The following ATF6 variants were observed in gnomAD, a reference collection of about 807,000 sequenced individuals.
ATF6 encodes cyclic AMP-dependent transcription factor ATF-6 alpha.
In ATF6, 53 loss-of-function variants were observed where a neutral mutation model predicts 83.6. The observed-to-expected ratio is 0.63, with a 90% CI of 0.51 to 0.80. The LOEUF (loss-of-function observed/expected upper bound fraction) is 0.80. ATF6 is among the 30% of genes least tolerant of loss of function. ATF6 has a pLI of 0.00. For synonymous variants in ATF6, 288 were observed against 285.8 expected (o/e 1.01, Z -0.08); for missense variants, 744 against 797.9 (o/e 0.93, Z 0.81).
chr1:161,840,141 C>G (rs142322713), intron 9 of ATF6: 2 of 152,336 alleles, frequency 1.3e-5, no homozygotes, highest in Non-Finnish European at 2.9e-5. Context: ...TCTGTTGTCT[C>G]ATTTGAATCT....
At chr1:161,800,790 C>T (rs1438411474) in intron 6 of ATF6, among the ~76,000 whole-genome samples, 1 of 152,182 alleles carries the variant, frequency 6.6e-6, no homozygotes, top group African/African-American at 2.4e-5. Context: ...GATGAGGAGG[C>T]ATTCTGCTGG....
In ATF6 at chr1:161,962,267, GA is replaced by G. The variant is rs1689115715; in HGVS notation, c.*3617del. The G allele has an allele frequency of 6.6e-6, 1 of 152,174 alleles. No individual in the cohort carries two copies. The highest frequency in any genetic ancestry group is 2.1e-4 in the South Asian group (1 of 4,828). 9.4% of individuals were successfully genotyped at this position (152,174 alleles called of 1,614,324 possible). ...AGTGTTCCAAGTAAGTTTAGAAACA[GA>G]AAAGGAACTTGGGATTCAAATTGAT... On this transcript the variant is annotated 3_prime_UTR_variant, in exon 16 of 16. Transcript: ENST00000367942.
chr1:161,882,224 T>TA (rs1163419093), intron 14 of ATF6, among the ~76,000 whole-genome samples: 1 of 152,166 alleles, frequency 6.6e-6, no homozygotes, highest in African/African-American at 2.4e-5. Context: ...AAATGTTATT[T>TA]ATATACTCTT....
At chr1:161,887,817 G>T (rs1356501600) in intron 14 of ATF6, among the ~76,000 whole-genome samples, 3 of 152,184 alleles carry the variant, frequency 2.0e-5, no homozygotes, top group Non-Finnish European at 4.4e-5. Flanking sequence ...TGGTGTGTCA[G>T]TTATTGGCAC....
intron 7 of ATF6, among the ~76,000 whole-genome samples, chr1:161,816,102 C>T (rs1685605150): frequency 6.6e-6 from 1 of 152,200 alleles, no homozygotes; most frequent in African/African-American, 2.4e-5. Flanking sequence ...TGAAATACTA[C>T]ATTTTATAGT....
chr1:161,947,810 C>CTTTTTTTTTTTTTTTTTTTTTTTTTTT (rs10524670), intron 15 of ATF6, among the ~76,000 whole-genome samples: 2 of 57,580 alleles, frequency 3.5e-5, no homozygotes, highest in African/African-American at 1.7e-4. Context: ...TAAGCCACGC[C>CTTTTTTTTTTTTTTTTTTTTTTTTTTT]TTTTTTTTTT....
chr1:161,795,452 A>AT (rs1024967725), intron 6 of ATF6, among the ~76,000 whole-genome samples: 6 of 152,220 alleles, frequency 3.9e-5, no homozygotes, highest in Non-Finnish European at 8.8e-5. Context: ...TGATATCTCC[A>AT]TTTTTTAGAT....
At chr1:161,858,162 A>G (rs977631181) in intron 12 of ATF6, among the ~76,000 whole-genome samples, 1 of 152,160 alleles carries the variant, frequency 6.6e-6, no homozygotes, top group African/African-American at 2.4e-5. Context: ...TAAAAATGGA[A>G]TACTAAAAAA....
chr1:161,902,249 CA>C (rs1687801947), intron 14 of ATF6, among the ~76,000 whole-genome samples: 1 of 152,098 alleles, frequency 6.6e-6, no homozygotes, highest in East Asian at 1.9e-4. Context: ...ATCATTCACC[CA>C]AGTGCTTTTT....
intron 15 of ATF6, among the ~76,000 whole-genome samples, chr1:161,918,679 T>G (rs1242160068): frequency 1.3e-5 from 2 of 152,186 alleles, no homozygotes; most frequent in Non-Finnish European, 1.5e-5. Flanking sequence ...TTGAGAAAGT[T>G]GAATAAAATA....
rs776385286 is a variant in ATF6 at position 161,863,176 on chromosome 1, C to T, written c.1605-22C>T. 70 of 1,392,110 alleles carry T rather than the reference C, an allele frequency of 5.0e-5. 2 individuals are homozygous for T. The South Asian group carries it at 5.8e-4, about 12-fold the overall frequency. The allele number at this position is 1,392,110 out of a possible 1,614,324, so 86.2% of individuals were successfully genotyped here. The stretch of plus-strand genomic sequence containing the variant: ...CAGGAAACTTTTTATTTTAGTAATA[C>T]CTTATATTTTTCTTACTTTAGCAGG... On this transcript the variant is annotated intron_variant, in intron 13 of 15. Coordinates refer to ENST00000367942, the MANE Select transcript of ATF6 (RefSeq NM_007348.4).
chr1:161,779,970 T>C (rs924106550), intron 2 of ATF6, among the ~76,000 whole-genome samples: 14 of 152,210 alleles, frequency 9.2e-5, no homozygotes, highest in Middle Eastern at 3.4e-3. Context: ...ACTCCTGAGC[T>C]CAAGTGGTCC....
chr1:161,895,672 T>C (rs1687656691), intron 14 of ATF6, among the ~76,000 whole-genome samples: 1 of 152,210 alleles, frequency 6.6e-6, no homozygotes, highest in Non-Finnish European at 1.5e-5. Flanking sequence ...ATATTTAGAA[T>C]AGGGTTTTAC....
chr1:161,853,568 C>T (rs1686693656), intron 12 of ATF6, among the ~76,000 whole-genome samples: 1 of 152,156 alleles, frequency 6.6e-6, no homozygotes, highest in Non-Finnish European at 1.5e-5. Flanking sequence ...TTGCTCTCAC[C>T]TTCAAATTTG....
chr1:161,900,029 T>C (rs555975654), intron 14 of ATF6, among the ~76,000 whole-genome samples: 34 of 152,006 alleles, frequency 2.2e-4, no homozygotes, highest in Non-Finnish European at 3.2e-4. Flanking sequence ...TCCTCCCACA[T>C]CCTTATAACT....
intron 1 of ATF6, among the ~76,000 whole-genome samples, chr1:161,777,120 C>T (rs1050449733): frequency 1.3e-5 from 2 of 152,158 alleles, no homozygotes. Flanking sequence ...ATATGGAAGT[C>T]ACTGGGGACA....
At chr1:161,833,955 C>CA (rs1247852668) in intron 9 of ATF6, among the ~76,000 whole-genome samples, 4 of 152,162 alleles carry the variant, frequency 2.6e-5, no homozygotes, top group African/African-American at 4.8e-5. Context: ...ACATAATTGT[C>CA]AGATTCACCA....
In ATF6 at chr1:161,836,766, C is replaced by T. The variant is rs188731817; in HGVS notation, c.1188-9683C>T. On this transcript the variant is annotated intron_variant, in intron 9 of 15. Transcript: ENST00000367942. ...AGGCTTATAAGGAGCATCCTAGTGG[C>T]TTTACCTTGTATCACTTGGCTACTT... 2.7e-3 allele frequency among the ~76,000 whole-genome samples: 412 copies of T among 152,300 alleles called. 1 individual carries two copies. Among genetic ancestry groups the T allele is most frequent in the African/African-American group, 9.6e-3 (399 of 41,550 alleles).
At position 161,798,192 on chromosome 1, in the gene ATF6, T is replaced by C. The variant is rs1685065143; in HGVS notation, c.689-3860T>C. ...GGATGAAAGACTTAAATGTACAGGC[T>C]CAAATTATAAAAACCCTAGAAGAAA... is the stretch of plus-strand genomic sequence containing the variant. On this transcript the variant is annotated intron_variant, in intron 6 of 15. Coordinates refer to ENST00000367942, the MANE Select transcript of ATF6 (RefSeq NM_007348.4). Among the ~76,000 whole-genome samples, 3 of 152,190 alleles carry C rather than the reference T, an allele frequency of 2.0e-5. No individual in the cohort carries two copies. In the South Asian group the frequency reaches 6.2e-4, roughly 31 times the overall value.
Sources: allele counts gnomAD v4.1 joint callset (sites outside exome capture counted in the v4.1 genomes callset), GRCh38; gene constraint gnomAD v4.1.1; transcripts MANE v1.5; gene names NCBI Gene and HGNC (gene_info 2026-07-23, HGNC 2026-07-21).